FCN2: variants seen among roughly 807,000 people sequenced by gnomAD.
FCN2 encodes the protein ficolin-2.
FCN2 carries 31 observed loss-of-function variants against 32.5 expected under a neutral mutation model. The ratio of observed to expected loss-of-function variants is 0.96; its 90% CI spans 0.72 to 1.29. The LOEUF (loss-of-function observed/expected upper bound fraction) is 1.29, where lower values mean the gene tolerates loss of function less well. Among genes scored for constraint, FCN2 ranks in the 50% most tolerant of loss-of-function variants. The probability of loss-of-function intolerance (pLI) is 0.00; values close to 1 mark genes in which losing one functional copy is unlikely to be tolerated. For missense variants in FCN2, 412 were observed against 406.5 expected (o/e 1.01, Z -0.12); for synonymous variants, 181 against 164.5 (o/e 1.10, Z -0.77).
upstream of FCN2, among the ~76,000 whole-genome samples, chr9:134,876,362 A>G (rs1309144742): frequency 6.6e-6 from 1 of 152,088 alleles, no homozygotes; most frequent in African/African-American, 2.4e-5. Flanking sequence ...TTCTTCCTTA[A>G]ATGTTTGGTA....
At chr9:134,872,375 A>AG in the FCN2 span, among the ~76,000 whole-genome samples, 2 of 152,208 alleles carry the variant, frequency 1.3e-5, no homozygotes, top group African/African-American at 4.8e-5. Flanking sequence ...ATGACAAACC[A>AG]GGCTGCTATG....
At chr9:134,874,146 C>T in the FCN2 span, among the ~76,000 whole-genome samples, 1 of 152,108 alleles carries the variant, frequency 6.6e-6, no homozygotes, top group African/African-American at 2.4e-5. Flanking sequence ...AAACTCTTGG[C>T]CTCAAGTGAT....
At position 134,883,507 on chromosome 9, in the gene FCN2, G is replaced by A. The variant is rs542445924; in HGVS notation, c.268+152G>A. The A allele has an allele frequency of 6.1e-4, 443 of 721,692 alleles. 1 individual carries two copies. In the African/African-American group the frequency reaches 6.8e-3, roughly 11 times the overall value. The allele number at this position is 721,692 out of a possible 1,614,324, so 44.7% of individuals were successfully genotyped here. A position where few individuals can be genotyped will look rare whatever the true frequency, so the allele number is the denominator to read the frequency against. ...GCTCTTGGGGCTTAGTCCAGGGCAG[G>A]GGTCTCAGTGTGGGGGAAGGGGTCT... On this transcript the variant is annotated intron_variant, in intron 3 of 7. Transcript: ENST00000291744.
the FCN2 span, among the ~76,000 whole-genome samples, chr9:134,872,647 G>A: frequency 3.9e-5 from 6 of 152,012 alleles, no homozygotes; most frequent in African/African-American, 9.7e-5. Flanking sequence ...AGCGTGGTGC[G>A]GGGGAACTCC....
chr9:134,868,035 T>C, the FCN2 span, among the ~76,000 whole-genome samples: 1 of 152,188 alleles, frequency 6.6e-6, no homozygotes, highest in Admixed American at 6.5e-5. This position sits in a 1 kb window ranked among gnomAD's most constrained non-coding sequence, Gnocchi z 4.3. Flanking sequence ...AGTTAAGTGA[T>C]CTGCCACAGG....
At chr9:134,887,012 C>T (rs1351043152) in intron 7 of FCN2, among the ~76,000 whole-genome samples, 156 bp from the exon 8 acceptor site, 1 of 152,226 alleles carries the variant, frequency 6.6e-6, no homozygotes, top group African/African-American at 2.4e-5. Context: ...GGGCAGTATT[C>T]ACTGGAGTCA....
the FCN2 span, among the ~76,000 whole-genome samples, chr9:134,872,627 G>A: frequency 6.6e-6 from 1 of 152,168 alleles, no homozygotes; most frequent in Non-Finnish European, 1.5e-5. Context: ...CCGGGCAGCA[G>A]ACAAGAGAGA....
upstream of FCN2, among the ~76,000 whole-genome samples, chr9:134,880,410 C>T (rs1830645771): frequency 1.3e-5 from 2 of 152,334 alleles, no homozygotes; most frequent in Middle Eastern, 3.4e-3. Context: ...CCATGACCAG[C>T]CCTGGCCATG....
At chr9:134,873,918 T>G in the FCN2 span, among the ~76,000 whole-genome samples, 1 of 50,968 alleles carries the variant, frequency 2.0e-5, no homozygotes, top group East Asian at 1.3e-3. Flanking sequence ...TGTTTTTGTT[T>G]TTTGTTTTTT....
chr9:134,865,022 G>A, the FCN2 span, among the ~76,000 whole-genome samples: 12 of 152,338 alleles, frequency 7.9e-5, no homozygotes, highest in East Asian at 5.8e-4. Flanking sequence ...CGTACAGGGC[G>A]CTGGCGGGCA....
Position 134,883,344 on chromosome 9 carries a change from C to T in FCN2, c.257C>T (p.Pro86Leu). The stretch of plus-strand genomic sequence containing the variant: ...GGACCTCCTGGGAAGGCAGGACCAC[C>T]TGGGCCCAACGGTAAGGAGGGGACA... ...PPGPPGKAGP[P>L]GPNGAPGEPQ... Residue 86 changes from proline to leucine, a missense_variant, in exon 3 of 8, where the codon CCT becomes CTT. Pro to Leu is a moderately conservative substitution (Grantham distance 98, BLOSUM62 -3). Transcript: ENST00000291744. 1.2e-6 allele frequency: 2 copies of T among 1,613,648 alleles called. No individual in the cohort carries two copies. The highest frequency in any genetic ancestry group is 1.7e-6 in the Non-Finnish European group (2 of 1,179,626).
At chr9:134,870,156 C>T in the FCN2 span, among the ~76,000 whole-genome samples, 1 of 152,194 alleles carries the variant, frequency 6.6e-6, no homozygotes, top group Non-Finnish European at 1.5e-5. This position sits in a 1 kb window ranked among gnomAD's most constrained non-coding sequence, Gnocchi z 4.3. Flanking sequence ...CCTGGCAAAC[C>T]CCCCTCTGTG....
chr9:134,865,367 G>A, the FCN2 span, among the ~76,000 whole-genome samples: 2 of 152,294 alleles, frequency 1.3e-5, no homozygotes, highest in East Asian at 3.9e-4. Flanking sequence ...CCTAGTAGGC[G>A]CCATGGTCTG....
chr9:134,885,673 C>T lies in FCN2; in HGVS notation c.430-95C>T, dbSNP rs117241205. 2,891 of 1,556,732 alleles carry T rather than the reference C, an allele frequency of 1.9e-3. 72 individuals carry two copies. In the East Asian group the frequency reaches 0.053, roughly 29 times the overall value. ...TGGTGACCCCGCCTGTGATGCTCTG[C>T]CAACTACAAATGCTGCTCCTCTGGA... On this transcript the variant is annotated intron_variant, in intron 5 of 7. Transcript: ENST00000291744.
Position 134,884,739 on chromosome 9 carries a change from G to C in FCN2, c.269-1G>C, listed in dbSNP as rs766926812. On this transcript the variant is annotated splice_acceptor_variant, in intron 3 of 7. Coordinates refer to ENST00000291744, the MANE Select transcript of FCN2 (RefSeq NM_004108.3). LOFTEE classifies it high-confidence loss of function. ...GTGTGTCCTCTCTCATCCATGAACAGGAGCACCTGGGGAGCCCCAGCCGTG... is the reference window on the plus strand; with the variant it reads ...GTGTGTCCTCTCTCATCCATGAACACGAGCACCTGGGGAGCCCCAGCCGTG... 2.7e-5 allele frequency: 44 copies of C among 1,613,842 alleles called. No homozygotes were observed. The Admixed American group carries it at 6.5e-4, about 24-fold the overall frequency.
At chr9:134,880,190 C>T (rs905974930), upstream of FCN2, among the ~76,000 whole-genome samples, 2 of 152,172 alleles carry the variant, frequency 1.3e-5, no homozygotes, top group South Asian at 2.1e-4. Context: ...CCCCCAGGCT[C>T]CCCACTCTTC....
chr9:134,873,887 G>GTT, the FCN2 span, among the ~76,000 whole-genome samples: 1 of 4,920 alleles, frequency 2.0e-4, no homozygotes, highest in African/African-American at 1.4e-3. Context: ...TTGTTTGTTT[G>GTT]TTTTGTTTTT....
At chr9:134,870,293 G>A in the FCN2 span, among the ~76,000 whole-genome samples, 1 of 152,202 alleles carries the variant, frequency 6.6e-6, no homozygotes, top group African/African-American at 2.4e-5. This position sits in a 1 kb window ranked among gnomAD's most constrained non-coding sequence, Gnocchi z 4.3. Context: ...CCGCTGCCTG[G>A]AGCCTGGCCC....
chr9:134,883,778 G>T (rs1271505311), intron 3 of FCN2, among the ~76,000 whole-genome samples: 4 of 147,010 alleles, frequency 2.7e-5, no homozygotes, highest in Non-Finnish European at 6.0e-5. Flanking sequence ...CTGTCAATAT[G>T]GGGGAGAGAT....
Sources: allele counts gnomAD v4.1 joint callset (sites outside exome capture counted in the v4.1 genomes callset), GRCh38; gene constraint gnomAD v4.1.1; non-coding constraint Gnocchi (gnomAD v3.1); transcripts MANE v1.5; gene names NCBI Gene and HGNC (gene_info 2026-07-23, HGNC 2026-07-21).